Variants in MAD1L1 observed in about 807,000 individuals in gnomAD.
MAD1L1 encodes the protein mitotic arrest deficient 1 like 1.
A neutral mutation model predicts 96.9 loss-of-function variants in MAD1L1; 95 were observed. The observed-to-expected ratio is 0.98, with a 90% CI of 0.83 to 1.16. The LOEUF (loss-of-function observed/expected upper bound fraction) is 1.16. Ranked by LOEUF, MAD1L1 falls within the 50% of genes most tolerant of loss-of-function variation. The pLI, the probability that MAD1L1 is intolerant of heterozygous loss-of-function variation, is 0.00. For synonymous variants in MAD1L1, 473 were observed against 396.6 expected, an observed-to-expected ratio of 1.19 and a Z score of -2.29; for missense variants, 1,007 against 954.4, an observed-to-expected ratio of 1.06 and a Z score of -0.73.
intron 16 of MAD1L1, among the ~76,000 whole-genome samples, chr7:1,956,601 G>T (rs1423318963): frequency 6.6e-6 from 1 of 151,672 alleles, no homozygotes; most frequent in African/African-American, 2.4e-5. Flanking sequence ...ACCCCTCCAA[G>T]GCCCTGGCAG....
At chr7:1,909,464 G>T (rs1341744480) in intron 17 of MAD1L1, among the ~76,000 whole-genome samples, 1 of 152,224 alleles carries the variant, frequency 6.6e-6, no homozygotes, top group Non-Finnish European at 1.5e-5. Context: ...ATGGGCATGG[G>T]GCATTGCAGT....
chr7:1,884,025 A>T (rs1785851468), intron 18 of MAD1L1, among the ~76,000 whole-genome samples: 2 of 152,070 alleles, frequency 1.3e-5, no homozygotes, highest in South Asian at 4.1e-4. Context: ...ACTCCCCAGC[A>T]TCTGACCGCT....
chr7:2,011,432 C>G (rs2128496835), intron 13 of MAD1L1, among the ~76,000 whole-genome samples: 2 of 152,334 alleles, frequency 1.3e-5, no homozygotes, highest in Middle Eastern at 6.8e-3. Context: ...TTCTCCCGAA[C>G]TTGCGCCACA....
intron 13 of MAD1L1, among the ~76,000 whole-genome samples, chr7:2,007,533 G>A (rs555209815): frequency 6.6e-6 from 1 of 152,080 alleles, no homozygotes; most frequent in East Asian, 1.9e-4. Context: ...AATTAGCTGG[G>A]TGTGGTGGTG....
intron 10 of MAD1L1, among the ~76,000 whole-genome samples, chr7:2,165,979 G>T (rs1332566652): frequency 6.6e-6 from 1 of 152,214 alleles, no homozygotes; most frequent in African/African-American, 2.4e-5. Context: ...GAAAGAGGAA[G>T]TAAGTCCTGG....
intron 11 of MAD1L1, among the ~76,000 whole-genome samples, chr7:2,073,382 C>T (rs892118796): frequency 1.3e-5 from 2 of 152,186 alleles, no homozygotes; most frequent in South Asian, 2.1e-4. Context: ...GAGCAGTTCC[C>T]GACCCCTCGG....
At chr7:1,943,960 G>C (rs1287498370) in intron 16 of MAD1L1, among the ~76,000 whole-genome samples, 1 of 152,220 alleles carries the variant, frequency 6.6e-6, no homozygotes, top group African/African-American at 2.4e-5. Context: ...GCACAGTGGG[G>C]TGTTTCAGCC....
chr7:2,113,826 A>G (rs967728515), intron 11 of MAD1L1, among the ~76,000 whole-genome samples: 7 of 152,330 alleles, frequency 4.6e-5, no homozygotes, highest in Non-Finnish European at 1.0e-4. Context: ...ATCATGTATA[A>G]CATCAGACTC....
chr7:2,176,488 G>C (rs926629565), intron 10 of MAD1L1, among the ~76,000 whole-genome samples: 1 of 151,954 alleles, frequency 6.6e-6, no homozygotes, highest in Non-Finnish European at 1.5e-5. Flanking sequence ...TGATAAAAAA[G>C]AAACAAAAGG....
intron 10 of MAD1L1, among the ~76,000 whole-genome samples, chr7:2,171,051 C>T (rs145621786): frequency 6.6e-6 from 1 of 152,332 alleles, no homozygotes; most frequent in Non-Finnish European, 1.5e-5. Context: ...AGGCAGAACT[C>T]GATAGTGCTT....
intron 18 of MAD1L1, among the ~76,000 whole-genome samples, chr7:1,869,670 T>A (rs1027815204): frequency 3.9e-5 from 6 of 152,108 alleles, no homozygotes; most frequent in African/African-American, 9.7e-5. Context: ...TTAGCCTGCG[T>A]CGGTAATGAG....
chr7:2,154,538 C>T (rs774847540), intron 10 of MAD1L1, among the ~76,000 whole-genome samples: 4 of 152,098 alleles, frequency 2.6e-5, no homozygotes, highest in Non-Finnish European at 5.9e-5. Context: ...ATGGTTACCC[C>T]AAATACCCTA....
intron 17 of MAD1L1, among the ~76,000 whole-genome samples, chr7:1,912,398 G>C (rs1238113698): frequency 6.6e-6 from 1 of 152,222 alleles, no homozygotes; most frequent in East Asian, 1.9e-4. Context: ...GTTTGGGTGA[G>C]GTGAGGCAGG....
chr7:2,217,841 G>A, intron 7 of MAD1L1, 121 bp downstream of exon 7: 9 of 813,192 alleles, frequency 1.1e-5, no homozygotes, highest in Non-Finnish European at 1.9e-5. Flanking sequence ...AACACACAGG[G>A]CAGCAGCTAA....
At chr7:2,026,569 T>C (rs957417501) in intron 12 of MAD1L1, among the ~76,000 whole-genome samples, 3 of 152,200 alleles carry the variant, frequency 2.0e-5, no homozygotes, top group Admixed American at 6.5e-5. Flanking sequence ...TTGGTAAGTT[T>C]TATGGGACTG....
chr7:2,149,185 G>A lies in MAD1L1; in HGVS notation c.1040C>T (p.Ala347Val), dbSNP rs1337322895. ...GACGGCGCTGTTCTTGTCCTTCAAG[G>A]CAAGCTCCCTCTGCTGCAGCTCAAC... is the stretch of plus-strand genomic sequence containing the variant. ...FVVELQQRELALKDKNSAVTS... is the reference protein window; with the variant it reads ...FVVELQQRELVLKDKNSAVTS... The change falls in exon 11 of 19, where the codon GCC becomes GTC. Residue 347 changes from alanine to valine, a missense_variant. Ala to Val is a moderately conservative substitution (Grantham distance 64). Coordinates refer to ENST00000265854, the MANE Select transcript of MAD1L1 (RefSeq NM_001013836.2). 6.2e-7 allele frequency: 1 copy of A among 1,614,104 alleles called. No homozygotes were observed. The highest frequency in any genetic ancestry group is 8.5e-7 in the Non-Finnish European group (1 of 1,180,016).
intron 12 of MAD1L1, among the ~76,000 whole-genome samples, chr7:2,024,789 G>T (rs1344347125): frequency 6.6e-6 from 1 of 152,174 alleles, no homozygotes; most frequent in Non-Finnish European, 1.5e-5. Flanking sequence ...CTGTATCTAT[G>T]AAAGAAATTA....
intron 16 of MAD1L1, among the ~76,000 whole-genome samples, chr7:1,937,546 T>C (rs927414598): frequency 2.0e-5 from 3 of 152,074 alleles, no homozygotes; most frequent in Admixed American, 6.5e-5. Flanking sequence ...CATGCAGCCC[T>C]GCAGCAGGGA....
chr7:2,195,964 C>A (rs6461210), intron 10 of MAD1L1, among the ~76,000 whole-genome samples: 7,485 of 152,364 alleles, frequency 0.049, 649 homozygotes, highest in African/African-American at 0.17. Context: ...CAGCTCCCAA[C>A]AGAATCCTTT....
Sources: gnomAD v4.1 joint callset for allele counts (sites outside exome capture counted in the v4.1 genomes callset) on GRCh38, gnomAD v4.1.1 for gene constraint, MANE v1.5 for transcripts, NCBI Gene and HGNC (gene_info 2026-07-23, HGNC 2026-07-21) for gene names.